UBE2G1: variants seen among roughly 807,000 people sequenced by gnomAD.
UBE2G1 encodes ubiquitin conjugating enzyme E2 G1.
UBE2G1 carries 5 observed loss-of-function variants against 22.7 expected under a neutral mutation model. The ratio of observed to expected loss-of-function variants is 0.22; its 90% CI spans 0.12 to 0.46. The LOEUF is 0.46. Among genes scored for constraint, UBE2G1 ranks in the 20% least tolerant of loss-of-function variants. UBE2G1 has a pLI of 0.99. For synonymous variants in UBE2G1, 74 were observed against 67.5 expected (o/e 1.10, Z -0.47); for missense variants, 88 against 203.9 (o/e 0.43, Z 3.46).
At chr17:4,330,568 T>A (rs933017730) in intron 1 of UBE2G1, among the ~76,000 whole-genome samples, 1 of 150,164 alleles carries the variant, frequency 6.7e-6, no homozygotes, top group African/African-American at 2.4e-5. Context: ...AGAAACCCTG[T>A]CTCTAGTAAA....
chr17:4,328,868 C>T (rs529554792), intron 1 of UBE2G1, among the ~76,000 whole-genome samples: 107 of 152,238 alleles, frequency 7.0e-4, no homozygotes, highest in Non-Finnish European at 4.6e-4. Context: ...GGGCAGATCA[C>T]GAGGTCAGGA....
chr17:4,302,122 T>C (rs1239353247), intron 2 of UBE2G1: 3 of 525,906 alleles, frequency 5.7e-6, no homozygotes, highest in African/African-American at 1.9e-5. Context: ...ATCATCTGTG[T>C]CTGCTATTGT....
intron 1 of UBE2G1, among the ~76,000 whole-genome samples, chr17:4,324,457 AT>A (rs1969478273): frequency 6.6e-6 from 1 of 152,198 alleles, no homozygotes; most frequent in Non-Finnish European, 1.5e-5. Flanking sequence ...ATCTTTTTAC[AT>A]TTCTAAATGT....
At chr17:4,339,397 C>G (rs981532460) in intron 1 of UBE2G1, among the ~76,000 whole-genome samples, 1 of 151,820 alleles carries the variant, frequency 6.6e-6, no homozygotes, top group African/African-American at 2.4e-5. Context: ...CTTCGACTCC[C>G]GGCTTCAAGC....
intron 1 of UBE2G1, among the ~76,000 whole-genome samples, chr17:4,321,476 G>C (rs1969437360): frequency 6.6e-6 from 1 of 151,924 alleles, no homozygotes; most frequent in African/African-American, 2.4e-5. Flanking sequence ...ATTTGGATGG[G>C]CTTTTTAAGC....
chr17:4,315,633 G>C (rs1038889029), intron 1 of UBE2G1, among the ~76,000 whole-genome samples: 1 of 150,280 alleles, frequency 6.7e-6, no homozygotes, highest in African/African-American at 2.4e-5. Flanking sequence ...CCAGCTACTC[G>C]GGAGGCTGAG....
chr17:4,301,505 G>T, intron 2 of UBE2G1: 2 of 974,570 alleles, frequency 2.1e-6, no homozygotes, highest in South Asian at 1.3e-5. Context: ...AGGATAAACG[G>T]AACAGGCAGG....
In UBE2G1 at chr17:4,276,683, T is replaced by C. The variant is rs112889520; in HGVS notation, c.*38-4167A>G. On this transcript the variant is annotated intron_variant, in intron 5 of 5. Coordinates refer to ENST00000396981, the MANE Select transcript of UBE2G1 (RefSeq NM_003342.5). ...AGGCAGGCAGCCTTCTACCTTACTG[T>C]GCTGAGTTACGCAATCCGTAGTACT... Among the ~76,000 whole-genome samples the C allele has an allele frequency of 1.6e-3, 238 of 152,206 alleles. 1 individual carries two copies. The highest frequency in any genetic ancestry group is 5.5e-3 in the African/African-American group (227 of 41,510).
chr17:4,334,800 A>G (rs1388630912), intron 1 of UBE2G1, among the ~76,000 whole-genome samples: 4 of 152,120 alleles, frequency 2.6e-5, no homozygotes, highest in African/African-American at 7.2e-5. Flanking sequence ...CAGCATCCCA[A>G]AGTGCTGGGA....
At position 4,303,393 on chromosome 17, in the gene UBE2G1, AT is replaced by A. The variant is rs909059737; in HGVS notation, c.149+3627del. Among the ~76,000 whole-genome samples the A allele has an allele frequency of 4.1e-3, 616 of 151,272 alleles. 3 individuals are homozygous for A. Among genetic ancestry groups the A allele is most frequent in the African/African-American group, 0.01 (418 of 41,290 alleles). ...TAAAACTGCAAAAGGGGAAAAAATAATTTTTTTTTTGCTATTATAAGCAATA... is the reference window on the plus strand; with the variant it reads ...TAAAACTGCAAAAGGGGAAAAAATAATTTTTTTTTGCTATTATAAGCAATA... On this transcript the variant is annotated intron_variant, in intron 2 of 5. Transcript: ENST00000396981.
chr17:4,356,049 T>A (rs1374541665), intron 1 of UBE2G1, among the ~76,000 whole-genome samples: 5 of 99,088 alleles, frequency 5.0e-5, no homozygotes, highest in Admixed American at 4.8e-4. Flanking sequence ...TGTTTCACTT[T>A]AAAAAAAAAA....
intron 1 of UBE2G1, among the ~76,000 whole-genome samples, chr17:4,308,473 C>T (rs1268168270): frequency 1.3e-5 from 2 of 152,058 alleles, no homozygotes; most frequent in African/African-American, 4.8e-5. Context: ...TGCATCAAGC[C>T]AAGATCACGC....
At chr17:4,315,637 G>T in intron 1 of UBE2G1, among the ~76,000 whole-genome samples, 1 of 150,898 alleles carries the variant, frequency 6.6e-6, no homozygotes. Context: ...CTACTCGGGA[G>T]GCTGAGGCAG....
intron 2 of UBE2G1, among the ~76,000 whole-genome samples, chr17:4,305,077 C>T (rs554351718): frequency 9.9e-5 from 15 of 151,352 alleles, no homozygotes; most frequent in African/African-American, 2.9e-4. Context: ...CTCAGCCTCC[C>T]GAGTAGCTGG....
chr17:4,365,830 G>A (rs1398938979), intron 1 of UBE2G1, among the ~76,000 whole-genome samples: 1 of 152,128 alleles, frequency 6.6e-6, no homozygotes, highest in African/African-American at 2.4e-5. Context: ...CCTTCCGCCC[G>A]CCCTCAGACA....
In UBE2G1 at chr17:4,366,279, T is replaced by C; in HGVS notation, c.38A>G (p.Gln13Arg). The change falls in exon 1 of 6, where the codon CAG (glutamine) becomes CGG (arginine). Residue 13 changes from glutamine (Q) to arginine (R), a missense_variant. Gln to Arg is a conservative substitution (Grantham distance 43). Transcript: ENST00000396981. ...ELQSALLLRRQLAELNKNPVE... is the reference protein window; with the variant it reads ...ELQSALLLRRRLAELNKNPVE... ...GCCGCCCGCCTGCTCACCTGCCAGC[T>C]GTCTTCGCAGTAGCAGTGCCGACTG... 1 of 1,555,522 alleles carries C rather than the reference T, an allele frequency of 6.4e-7. No individual in the cohort carries two copies. Among genetic ancestry groups the C allele is most frequent in the Non-Finnish European group, 8.6e-7 (1 of 1,160,158 alleles).
At chr17:4,336,071 G>A (rs1175463012) in intron 1 of UBE2G1, among the ~76,000 whole-genome samples, 3 of 152,036 alleles carry the variant, frequency 2.0e-5, no homozygotes, top group Non-Finnish European at 4.4e-5. Context: ...GCTTGAACCC[G>A]GGAGGTGGAG....
intron 4 of UBE2G1, among the ~76,000 whole-genome samples, chr17:4,284,189 A>G (rs987012497): frequency 2.7e-5 from 4 of 150,772 alleles, no homozygotes; most frequent in African/African-American, 9.7e-5. Flanking sequence ...GCCTGAAAAT[A>G]GAGATTAATT....
chr17:4,329,512 G>T (rs1211150045), intron 1 of UBE2G1, among the ~76,000 whole-genome samples: 1 of 150,442 alleles, frequency 6.6e-6, no homozygotes, highest in Non-Finnish European at 1.5e-5. Context: ...GAGCTGAGAT[G>T]GCACCACTGC....
Sources: gnomAD v4.1 joint callset for allele counts (sites outside exome capture counted in the v4.1 genomes callset) on GRCh38, gnomAD v4.1.1 for gene constraint, MANE v1.5 for transcripts, NCBI Gene and HGNC (gene_info 2026-07-23, HGNC 2026-07-21) for gene names.